The following PREX2 variants were observed in gnomAD, a reference collection of about 807,000 sequenced individuals.
PREX2 encodes phosphatidylinositol-3,4,5-trisphosphate dependent Rac exchange factor 2, also known as phosphatidylinositol 3,4,5-trisphosphate-dependent Rac exchanger 2 protein.
In PREX2, 107 loss-of-function variants were observed where a neutral mutation model predicts 203.2. The ratio of observed to expected loss-of-function variants is 0.53; its 90% CI spans 0.45 to 0.62. The LOEUF is 0.62. PREX2 is among the 20% of genes least tolerant of loss of function. The probability of loss-of-function intolerance (pLI) is 0.00; values close to 1 mark genes in which losing one functional copy is unlikely to be tolerated. For missense variants in PREX2, 1,777 were observed against 1,955.9 expected, an observed-to-expected ratio of 0.91 and a Z score of 1.72; for synonymous variants, 672 against 663.6, an observed-to-expected ratio of 1.01 and a Z score of -0.19.
rs761746669 is a variant in PREX2 at position 68,182,253 on chromosome 8, AT to A, written c.4347-9465del. Among the ~76,000 whole-genome samples the A allele has an allele frequency of 3.9e-5, 6 of 152,098 alleles. 1 individual carries two copies. Among genetic ancestry groups the A allele is most frequent in the Non-Finnish European group, 8.8e-5 (6 of 67,992 alleles). On this transcript the variant is annotated intron_variant, in intron 35 of 39. Coordinates refer to ENST00000288368, the MANE Select transcript of PREX2 (RefSeq NM_024870.4). ...AGTCTTTTCTTAGAACTGAACAAGAATTTTGCTGTGTCATTTCTTGCTAGAG... is the reference window on the plus strand; with the variant it reads ...AGTCTTTTCTTAGAACTGAACAAGAATTTGCTGTGTCATTTCTTGCTAGAG...
At chr8:67,963,607 A>G (rs1278230302) in intron 1 of PREX2, among the ~76,000 whole-genome samples, 1 of 152,140 alleles carries the variant, frequency 6.6e-6, no homozygotes, top group Non-Finnish European at 1.5e-5. Flanking sequence ...AGATTACGCT[A>G]AAACTGCACT....
intron 6 of PREX2, among the ~76,000 whole-genome samples, chr8:68,034,784 T>A (rs1333008529): frequency 1.3e-5 from 2 of 152,278 alleles, no homozygotes; most frequent in Non-Finnish European, 2.9e-5. Context: ...CAAGTCATGT[T>A]TCTTGTTATT....
chr8:67,964,290 G>T (rs1805711232), intron 1 of PREX2, among the ~76,000 whole-genome samples: 1 of 152,194 alleles, frequency 6.6e-6, no homozygotes, highest in Non-Finnish European at 1.5e-5. Context: ...CCAGCTCTAA[G>T]GGAGACTGGG....
At chr8:67,999,423 T>C (rs920198498) in intron 1 of PREX2, among the ~76,000 whole-genome samples, 1 of 118,550 alleles carries the variant, frequency 8.4e-6, no homozygotes, top group Non-Finnish European at 1.6e-5. Flanking sequence ...ATCGATTCCC[T>C]AAACAGACCA....
At chr8:68,064,996 A>G (rs140227125) in intron 11 of PREX2, among the ~76,000 whole-genome samples, 42 of 152,316 alleles carry the variant, frequency 2.8e-4, no homozygotes, top group African/African-American at 9.4e-4. Context: ...CAGTTATTTA[A>G]AAGATTGCAT....
intron 1 of PREX2, among the ~76,000 whole-genome samples, chr8:67,997,629 A>C (rs185583587): frequency 6.6e-6 from 1 of 152,108 alleles, no homozygotes; most frequent in Non-Finnish European, 1.5e-5. Flanking sequence ...ATTTAGAACC[A>C]GCTTGTTAGA....
intron 1 of PREX2, among the ~76,000 whole-genome samples, chr8:67,982,686 A>G (rs930929220): frequency 1.3e-5 from 2 of 152,210 alleles, no homozygotes; most frequent in African/African-American, 4.8e-5. Context: ...AACAGCTGAT[A>G]GTATTTTGCC....
chr8:68,106,563 T>C (rs1354319778), intron 23 of PREX2, among the ~76,000 whole-genome samples: 1 of 152,128 alleles, frequency 6.6e-6, no homozygotes, highest in African/African-American at 2.4e-5. Context: ...ATTGAAGACA[T>C]AGTTTAATAC....
chr8:68,052,105 A>C (rs1808541765), intron 8 of PREX2, among the ~76,000 whole-genome samples: 1 of 152,152 alleles, frequency 6.6e-6, no homozygotes, highest in Admixed American at 6.5e-5. Context: ...AAAAGAACAA[A>C]ACAAGCAAAG....
chr8:67,970,617 A>G (rs1175410633), intron 1 of PREX2, among the ~76,000 whole-genome samples: 1 of 152,200 alleles, frequency 6.6e-6, no homozygotes, highest in Non-Finnish European at 1.5e-5. Flanking sequence ...TCTCACACTA[A>G]TAGCTACAGA....
intron 11 of PREX2, among the ~76,000 whole-genome samples, chr8:68,061,731 G>A (rs552745236): frequency 6.6e-6 from 1 of 152,278 alleles, no homozygotes; most frequent in East Asian, 1.9e-4. Flanking sequence ...GCTGTGGACC[G>A]TGTAGGCCAG....
At chr8:68,152,564 T>C (rs1416320811) in intron 34 of PREX2, among the ~76,000 whole-genome samples, 1 of 152,096 alleles carries the variant, frequency 6.6e-6, no homozygotes, top group Non-Finnish European at 1.5e-5. Context: ...ATTCATAGTT[T>C]ATTGCAAGGA....
intron 11 of PREX2, among the ~76,000 whole-genome samples, chr8:68,061,265 C>T (rs1808842559): frequency 6.6e-6 from 1 of 152,210 alleles, no homozygotes. Context: ...GATGAACATA[C>T]TGGCGAGGGG....
intron 38 of PREX2, among the ~76,000 whole-genome samples, chr8:68,221,352 C>T (rs1812950346): frequency 6.6e-6 from 1 of 152,100 alleles, no homozygotes; most frequent in Non-Finnish European, 1.5e-5. Flanking sequence ...GTTTGAGTCC[C>T]AACTTCAGTG....
rs142393923 is a variant in PREX2, at chr8:68,027,105, G to A, written c.442-117G>A. 3.7e-4 allele frequency: 273 copies of A among 728,564 alleles called. 3 individuals carry two copies. In the East Asian group the frequency reaches 7.1e-3, roughly 19 times the overall value. The allele number at this position is 728,564 out of a possible 1,614,324, so 45.1% of individuals were successfully genotyped here. A position where few individuals can be genotyped will look rare whatever the true frequency, so the allele number is the denominator to read the frequency against. ...TGTGACTGAATATGCTCTTCTTAGA[G>A]AAAGAAAGTATATGAAGACATATGC... On this transcript the variant is annotated intron_variant, in intron 4 of 39. Transcript: ENST00000288368.
At chr8:68,006,204 G>C (rs1013317668) in intron 1 of PREX2, among the ~76,000 whole-genome samples, 1 of 152,158 alleles carries the variant, frequency 6.6e-6, no homozygotes, top group African/African-American at 2.4e-5. Flanking sequence ...GGTAAGAGGA[G>C]CCTCCTCTTC....
chr8:68,022,603 T>C (rs1050227537), intron 4 of PREX2, among the ~76,000 whole-genome samples: 7 of 152,328 alleles, frequency 4.6e-5, no homozygotes, highest in African/African-American at 1.7e-4. Flanking sequence ...TTAATTTCTT[T>C]AGGTTAGCAG....
intron 1 of PREX2, among the ~76,000 whole-genome samples, chr8:67,961,600 A>T (rs1156549609): frequency 1.3e-5 from 2 of 152,140 alleles, no homozygotes; most frequent in East Asian, 3.8e-4. Flanking sequence ...ATTGAACATA[A>T]CTATTCACAT....
intron 37 of PREX2, among the ~76,000 whole-genome samples, chr8:68,215,359 A>T (rs1336904446): frequency 2.0e-5 from 3 of 152,210 alleles, no homozygotes; most frequent in Non-Finnish European, 4.4e-5. Context: ...GATTAGAAAC[A>T]GATAAAGATT....
Sources: allele counts gnomAD v4.1 joint callset (sites outside exome capture counted in the v4.1 genomes callset), GRCh38; gene constraint gnomAD v4.1.1; transcripts MANE v1.5; gene names NCBI Gene and HGNC (gene_info 2026-07-23, HGNC 2026-07-21).